CSMD1: variants seen among roughly 807,000 people sequenced by gnomAD.
CSMD1 encodes CUB and sushi domain-containing protein 1.
Under a neutral mutation model 417.5 loss-of-function variants are expected in CSMD1, and 213 were observed. The observed-to-expected ratio is 0.51, with a 90% CI of 0.46 to 0.57. The LOEUF (loss-of-function observed/expected upper bound fraction) is 0.57, where lower values mean the gene tolerates loss of function less well. Among genes scored for constraint, CSMD1 ranks in the 20% least tolerant of loss-of-function variants. The pLI is 0.00. For synonymous variants in CSMD1, 2,862 were observed against 1,736.8 expected, an observed-to-expected ratio of 1.65 and a Z score of -16.11; for missense variants, 6,923 against 4,529.7, an observed-to-expected ratio of 1.53 and a Z score of -15.17.
At chr8:4,181,557 C>A (rs1584972577) in intron 3 of CSMD1, among the ~76,000 whole-genome samples, 1 of 152,070 alleles carries the variant, frequency 6.6e-6, no homozygotes, top group South Asian at 2.1e-4. Context: ...TTGTGTTTGG[C>A]CACATGCAAA....
Position 3,596,524 on chromosome 8 carries a change from G to A in CSMD1, c.1098-10264C>T, listed in dbSNP as rs186482473. Reference sequence around the variant, plus strand: ...ATGGGCTTTCTTTTTTTGTAACTTGGGAACTTATCACTTAAATCCGTGGTT... The same window carrying A: ...ATGGGCTTTCTTTTTTTGTAACTTGAGAACTTATCACTTAAATCCGTGGTT... On this transcript the variant is annotated intron_variant, in intron 8 of 69. Coordinates refer to ENST00000635120, the MANE Select transcript of CSMD1 (RefSeq NM_033225.6). Among the ~76,000 whole-genome samples the A allele has an allele frequency of 6.8e-4, 104 of 152,172 alleles. 2 individuals carry two copies. The East Asian group carries it at 0.019, about 28-fold the overall frequency.
intron 3 of CSMD1, among the ~76,000 whole-genome samples, chr8:4,327,796 C>T (rs576466057): frequency 6.6e-6 from 1 of 152,146 alleles, no homozygotes; most frequent in African/African-American, 2.4e-5. Context: ...TGTAACTTTT[C>T]TTGCTAAAAT....
chr8:3,760,378 G>T lies in CSMD1; in HGVS notation c.819-6336C>A, dbSNP rs1298725908. On this transcript the variant is annotated intron_variant, in intron 5 of 69. Transcript: ENST00000635120. Reference sequence around the variant, plus strand: ...TCTGCTAAGAGTTAAAATAAATGGAGGACTCATGGGATCCTTACAGTTACG... The same window carrying T: ...TCTGCTAAGAGTTAAAATAAATGGATGACTCATGGGATCCTTACAGTTACG... Among the ~76,000 whole-genome samples, 4 of 152,114 alleles carry T rather than the reference G, an allele frequency of 2.6e-5. No individual in the cohort carries two copies. In the East Asian group the frequency reaches 7.7e-4, roughly 29 times the overall value.
intron 1 of CSMD1, among the ~76,000 whole-genome samples, chr8:4,741,808 G>A (rs1010399195): frequency 1.3e-5 from 2 of 151,902 alleles, no homozygotes; most frequent in Admixed American, 6.6e-5. Flanking sequence ...GTGCCCTGGT[G>A]ATTCATGTAC....
At chr8:4,328,256 T>TC (rs1365114447) in intron 3 of CSMD1, among the ~76,000 whole-genome samples, 1 of 150,912 alleles carries the variant, frequency 6.6e-6, no homozygotes, top group East Asian at 1.9e-4. Context: ...TTTTTTTTTT[T>TC]TTTTTTTTTG....
At chr8:4,580,292 C>T (rs1272242570) in intron 2 of CSMD1, among the ~76,000 whole-genome samples, 2 of 152,162 alleles carry the variant, frequency 1.3e-5, no homozygotes, top group African/African-American at 4.8e-5. Flanking sequence ...TGTCTCCATG[C>T]TCATTAATTT....
At chr8:3,561,404 C>A (rs976677604) in intron 10 of CSMD1, among the ~76,000 whole-genome samples, 4 of 152,130 alleles carry the variant, frequency 2.6e-5, no homozygotes, top group Non-Finnish European at 5.9e-5. Context: ...AATGGTTGAT[C>A]AGATAAAGAA....
intron 3 of CSMD1, among the ~76,000 whole-genome samples, chr8:4,173,809 G>C (rs991370181): frequency 2.6e-5 from 4 of 152,126 alleles, no homozygotes; most frequent in African/African-American, 9.7e-5. Flanking sequence ...AGGTGCGCTT[G>C]AGGAACAATC....
chr8:4,331,298 T>A (rs1799854925), intron 3 of CSMD1, among the ~76,000 whole-genome samples: 1 of 152,092 alleles, frequency 6.6e-6, no homozygotes, highest in South Asian at 2.1e-4. Flanking sequence ...GGCAGAAGCA[T>A]CATGCTGCAC....
rs141516561 is a variant in CSMD1 at position 4,173,620 on chromosome 8, G to C, written c.416-141521C>G. 5.4e-3 allele frequency among the ~76,000 whole-genome samples: 815 copies of C among 152,248 alleles called. 10 individuals are homozygous for C. The highest frequency in any genetic ancestry group is 0.018 in the African/African-American group (741 of 41,510). ...TAAAAGTTATTAGATACATAGCTTT[G>C]TGGAAGTTCGGAAACACTGAATGCC... On this transcript the variant is annotated intron_variant, in intron 3 of 69. Transcript: ENST00000635120.
intron 1 of CSMD1, among the ~76,000 whole-genome samples, chr8:4,909,670 C>T (rs1056834056): frequency 1.3e-5 from 2 of 152,116 alleles, no homozygotes; most frequent in Admixed American, 1.3e-4. Context: ...AGACTGCACA[C>T]CCCCGGATTT....
At chr8:4,252,955 C>A (rs1004516784) in intron 3 of CSMD1, among the ~76,000 whole-genome samples, 1 of 152,152 alleles carries the variant, frequency 6.6e-6, no homozygotes, top group African/African-American at 2.4e-5. Flanking sequence ...TTTTAGACTG[C>A]ACTTTTCATG....
At chr8:3,186,380 A>T (rs538578569) in intron 36 of CSMD1, among the ~76,000 whole-genome samples, 28 of 152,356 alleles carry the variant, frequency 1.8e-4, no homozygotes, top group Admixed American at 3.3e-4. Flanking sequence ...TATTTGAAAT[A>T]AAAGTTCCTA....
At chr8:4,590,478 TA>T (rs1032703337) in intron 2 of CSMD1, among the ~76,000 whole-genome samples, 3 of 152,196 alleles carry the variant, frequency 2.0e-5, no homozygotes, top group African/African-American at 7.2e-5. Context: ...ATGTAGAATG[TA>T]AATAAAATTT....
At chr8:4,003,939 A>C (rs906717534) in intron 4 of CSMD1, among the ~76,000 whole-genome samples, 1 of 128,874 alleles carries the variant, frequency 7.8e-6, no homozygotes, top group African/African-American at 2.8e-5. Context: ...TTTTTAGAAA[A>C]CAGAACAAAA....
At chr8:3,361,669 A>G (rs868801220) in intron 20 of CSMD1, among the ~76,000 whole-genome samples, 1 of 149,920 alleles carries the variant, frequency 6.7e-6, no homozygotes, top group Non-Finnish European at 1.5e-5. Flanking sequence ...AAAAAAAAAA[A>G]AAACAAACAA....
chr8:3,747,226 G>T lies in CSMD1; in HGVS notation c.931+6704C>A, dbSNP rs78045398. Among the ~76,000 whole-genome samples, 93 of 152,144 alleles carry T rather than the reference G, an allele frequency of 6.1e-4. 1 individual carries two copies. In the East Asian group the frequency reaches 0.017, roughly 28 times the overall value. The stretch of plus-strand genomic sequence containing the variant: ...ACAGCCCTTAATCTCTCCATTTCTC[G>T]CATGAGAGTTGAAGCTTCTTTCTGT... On this transcript the variant is annotated intron_variant, in intron 6 of 69. Transcript: ENST00000635120.
chr8:2,994,615 A>C (rs374372598), intron 54 of CSMD1, among the ~76,000 whole-genome samples: 1 of 152,238 alleles, frequency 6.6e-6, no homozygotes, highest in African/African-American at 2.4e-5. Flanking sequence ...TAAATGTAGA[A>C]ATTAAAGCCA....
chr8:3,640,056 T>TGA (rs1797231602), intron 7 of CSMD1, among the ~76,000 whole-genome samples: 1 of 152,186 alleles, frequency 6.6e-6, no homozygotes. Flanking sequence ...TTAATCTAAT[T>TGA]GCATAAGAAG....
Sources: gnomAD v4.1 joint callset for allele counts (sites outside exome capture counted in the v4.1 genomes callset) on GRCh38, gnomAD v4.1.1 for gene constraint, MANE v1.5 for transcripts, NCBI Gene and HGNC (gene_info 2026-07-23, HGNC 2026-07-21) for gene names.